KLF8: variants seen among roughly 807,000 people sequenced by gnomAD.
KLF8 encodes Krueppel-like factor 8.
A neutral mutation model predicts 18.2 loss-of-function variants in KLF8; 10 were observed. The ratio of observed to expected loss-of-function variants is 0.55; its 90% CI spans 0.34 to 0.93. The LOEUF (loss-of-function observed/expected upper bound fraction) is 0.93. Ranked by LOEUF, KLF8 falls within the 40% of genes least tolerant of loss-of-function variation. KLF8 has a pLI of 0.02. For synonymous variants in KLF8, 109 were observed against 97.3 expected (o/e 1.12, Z -0.71); for missense variants, 264 against 277.9 (o/e 0.95, Z 0.36).
At chrX:56,017,191 T>C in the KLF8 span, among the ~76,000 whole-genome samples, 5 of 112,454 alleles carry the variant, frequency 4.4e-5, no homozygotes, top group South Asian at 1.8e-3. Flanking sequence ...TTTTTCCCTG[T>C]AACGCAGAAG....
At chrX:56,028,171 C>T in the KLF8 span, among the ~76,000 whole-genome samples, 1 of 112,088 alleles carries the variant, frequency 8.9e-6, no homozygotes, top group Non-Finnish European at 1.9e-5. Context: ...TTGGTCAAAT[C>T]TGGTAGTCCC....
At chrX:56,178,724 C>T in the KLF8 span, among the ~76,000 whole-genome samples, 1 of 112,067 alleles carries the variant, frequency 8.9e-6, no homozygotes, top group East Asian at 2.8e-4. Context: ...TTCCCAGCAC[C>T]CTTTGTTAAA....
At chrX:56,239,854 A>AT (rs1278679275) in intron 1 of KLF8, among the ~76,000 whole-genome samples, 2 of 110,649 alleles carry the variant, frequency 1.8e-5, no homozygotes, top group East Asian at 2.8e-4. Context: ...AGTTTCTTTC[A>AT]TTTTTTTCTG....
the KLF8 span, among the ~76,000 whole-genome samples, chrX:56,112,355 A>G: frequency 9.0e-6 from 1 of 111,329 alleles, no homozygotes; most frequent in Non-Finnish European, 1.9e-5. Flanking sequence ...TGGGGGAGAT[A>G]GCATTAGGAG....
the KLF8 span, among the ~76,000 whole-genome samples, chrX:56,160,342 G>T: frequency 9.0e-6 from 1 of 111,696 alleles, no homozygotes; most frequent in African/African-American, 3.3e-5. Flanking sequence ...GTGTGGTGTG[G>T]TGCTGAGAAG....
chrX:56,144,884 C>T, the KLF8 span, among the ~76,000 whole-genome samples: 2 of 108,013 alleles, frequency 1.9e-5, no homozygotes, highest in Non-Finnish European at 3.8e-5. Context: ...CCTCTGCCTC[C>T]CGGGATCAAG....
the KLF8 span, among the ~76,000 whole-genome samples, chrX:55,935,822 A>T: frequency 8.9e-6 from 1 of 112,213 alleles, no homozygotes; most frequent in African/African-American, 3.2e-5. Flanking sequence ...TATATCAGTT[A>T]TACTATTTAT....
At chrX:56,149,573 T>A in the KLF8 span, among the ~76,000 whole-genome samples, 2 of 110,625 alleles carry the variant, frequency 1.8e-5, no homozygotes, top group Non-Finnish European at 3.8e-5. Flanking sequence ...ATATACGCCC[T>A]GAATCTAAAA....
the KLF8 span, among the ~76,000 whole-genome samples, chrX:55,965,773 A>G: frequency 1.8e-5 from 2 of 112,254 alleles, no homozygotes; most frequent in Non-Finnish European, 3.8e-5. Flanking sequence ...CAAGAACTCA[A>G]TCGCATTCAC....
At chrX:56,147,556 T>C in the KLF8 span, among the ~76,000 whole-genome samples, 4 of 112,429 alleles carry the variant, frequency 3.6e-5, no homozygotes, top group Non-Finnish European at 7.5e-5. Context: ...ATATGAAATA[T>C]CAAGAACAGG....
the KLF8 span, among the ~76,000 whole-genome samples, chrX:56,048,366 G>C: frequency 1.8e-5 from 2 of 111,798 alleles, no homozygotes; most frequent in South Asian, 3.7e-4. Flanking sequence ...GAATGGTATT[G>C]CCTCAGTTTT....
chrX:56,265,912 A>G, intron 3 of KLF8, 168 bp downstream of exon 3: 1 of 1,050,066 alleles, frequency 9.5e-7, no homozygotes, highest in African/African-American at 1.9e-5. Context: ...AAGAATGTAC[A>G]ATGAGTCTTG....
At chrX:56,123,590 C>A in the KLF8 span, among the ~76,000 whole-genome samples, 1 of 112,001 alleles carries the variant, frequency 8.9e-6, no homozygotes, top group Non-Finnish European at 1.9e-5. Context: ...AAGTTATTAA[C>A]TTTATAAGTA....
At position 56,285,697 on chromosome X, in the gene KLF8, C is replaced by T. The variant is rs2067260757; in HGVS notation, c.*1203C>T. The T allele has an allele frequency of 9.0e-6, 1 of 111,550 alleles. No homozygotes were observed. The allele number at this position is 111,550 out of a possible 1,213,427, so 9.2% of individuals were successfully genotyped here. On this transcript the variant is annotated 3_prime_UTR_variant, in exon 6 of 6. Coordinates refer to ENST00000468660, the MANE Select transcript of KLF8 (RefSeq NM_007250.5). ...CTGCAACTGCTATGAAAACCTAAGCCATTTATTTTAGCTGATAGCAGATTG... is the reference window on the plus strand; with the variant it reads ...CTGCAACTGCTATGAAAACCTAAGCTATTTATTTTAGCTGATAGCAGATTG...
the KLF8 span, among the ~76,000 whole-genome samples, chrX:56,060,809 G>T: frequency 8.9e-6 from 1 of 111,803 alleles, no homozygotes; most frequent in South Asian, 3.8e-4. Flanking sequence ...ATTCGGCTGT[G>T]AATCTGTCTT....
chrX:56,035,767 G>C, the KLF8 span, among the ~76,000 whole-genome samples: 3 of 111,431 alleles, frequency 2.7e-5, no homozygotes, highest in African/African-American at 6.5e-5. Flanking sequence ...GTCTTCTTTT[G>C]AGAAATGTCT....
At chrX:56,110,597 A>G in the KLF8 span, among the ~76,000 whole-genome samples, 2 of 111,051 alleles carry the variant, frequency 1.8e-5, no homozygotes, top group African/African-American at 6.5e-5. Flanking sequence ...TTCCCTTCTA[A>G]TTTTGTTTCC....
chrX:56,058,100 A>G, the KLF8 span, among the ~76,000 whole-genome samples: 3 of 98,869 alleles, frequency 3.0e-5, no homozygotes, highest in Admixed American at 1.2e-4. Flanking sequence ...CTGATGATAC[A>G]TTAGGAGTGT....
chrX:56,229,059 A>G (rs1049932772), upstream of KLF8, among the ~76,000 whole-genome samples: 8 of 110,365 alleles, frequency 7.2e-5, no homozygotes, highest in African/African-American at 2.6e-4. Flanking sequence ...CAGCTTCTCA[A>G]GCCTTCTTTT....
Sources: gnomAD v4.1 joint callset for allele counts (sites outside exome capture counted in the v4.1 genomes callset) on GRCh38, gnomAD v4.1.1 for gene constraint, MANE v1.5 for transcripts, NCBI Gene and HGNC (gene_info 2026-07-23, HGNC 2026-07-21) for gene names.